The following MCPH1 variants were observed in gnomAD, a reference collection of about 807,000 sequenced individuals.
MCPH1 encodes microcephalin 1.
Under a neutral mutation model 84.5 loss-of-function variants are expected in MCPH1, and 104 were observed. The ratio of observed to expected loss-of-function variants is 1.23; its 90% CI spans 1.05 to 1.45. MCPH1 has a LOEUF of 1.45. Among genes scored for constraint, MCPH1 ranks in the 40% most tolerant of loss-of-function variants. The pLI, the probability that MCPH1 is intolerant of heterozygous loss-of-function variation, is 0.00. For missense variants in MCPH1, 1,498 were observed against 1,005.7 expected, an observed-to-expected ratio of 1.49 and a Z score of -6.62; for synonymous variants, 514 against 366.8, an observed-to-expected ratio of 1.40 and a Z score of -4.58.
chr8:6,571,395 A>T (rs1826649259), intron 12 of MCPH1, among the ~76,000 whole-genome samples: 1 of 152,188 alleles, frequency 6.6e-6, no homozygotes, highest in African/African-American at 2.4e-5. Context: ...TATAAGTCAC[A>T]TTAAATGTTC....
At chr8:6,544,213 A>G (rs868367972) in intron 12 of MCPH1, among the ~76,000 whole-genome samples, 1 of 152,254 alleles carries the variant, frequency 6.6e-6, no homozygotes, top group African/African-American at 2.4e-5. Flanking sequence ...TCAAATGTTG[A>G]TAGTGAAGCT....
At chr8:6,468,303 C>T (rs1488790466) in intron 9 of MCPH1, among the ~76,000 whole-genome samples, 1 of 152,128 alleles carries the variant, frequency 6.6e-6, no homozygotes, top group East Asian at 1.9e-4. Flanking sequence ...CCGGGTGTCA[C>T]CTGTGCATGC....
At chr8:6,494,270 T>C (rs1810993086) in intron 11 of MCPH1, 1 of 152,224 alleles carries the variant, frequency 6.6e-6, no homozygotes, top group African/African-American at 2.4e-5. Context: ...TGAATTCAGC[T>C]CTTCCTCAAT....
intron 12 of MCPH1, among the ~76,000 whole-genome samples, chr8:6,519,373 G>A (rs573086423): frequency 3.9e-5 from 6 of 152,186 alleles, no homozygotes; most frequent in South Asian, 2.1e-4. Context: ...GCAGGGCAGC[G>A]GTAGCTAACT....
intron 12 of MCPH1, chr8:6,618,753 A>C (rs1289027525): frequency 6.6e-6 from 1 of 152,228 alleles, no homozygotes; most frequent in Non-Finnish European, 1.5e-5. Context: ...ACAAAAACTT[A>C]ACAAAAAAGT....
chr8:6,470,517 T>C (rs1450755693), intron 9 of MCPH1, among the ~76,000 whole-genome samples: 1 of 152,176 alleles, frequency 6.6e-6, no homozygotes, highest in Non-Finnish European at 1.5e-5. Context: ...ACTCCTGACC[T>C]CAAGTGATTC....
intron 12 of MCPH1, among the ~76,000 whole-genome samples, chr8:6,595,831 G>T (rs1039859210): frequency 6.6e-6 from 1 of 152,188 alleles, no homozygotes; most frequent in Non-Finnish European, 1.5e-5. Flanking sequence ...AATAGAGTCA[G>T]ATACAATTGG....
chr8:6,471,685 C>T (rs1011917672), intron 9 of MCPH1, among the ~76,000 whole-genome samples: 3 of 151,504 alleles, frequency 2.0e-5, no homozygotes, highest in Admixed American at 1.3e-4. Flanking sequence ...ATGAATCCGT[C>T]TGCTTCTCAA....
chr8:6,492,157 A>G (rs2129561252), intron 11 of MCPH1, among the ~76,000 whole-genome samples: 1 of 152,274 alleles, frequency 6.6e-6, no homozygotes, highest in Middle Eastern at 3.4e-3. Flanking sequence ...TGACTTTTTA[A>G]TGATCGCCAT....
intron 13 of MCPH1, chr8:6,642,552 C>T (rs567508588): frequency 4.0e-6 from 1 of 252,784 alleles, no homozygotes; most frequent in Non-Finnish European, 7.9e-6. Context: ...GATAGGATAG[C>T]ACGGCCTACC....
At chr8:6,469,296 A>T (rs1406844044) in intron 9 of MCPH1, among the ~76,000 whole-genome samples, 1 of 152,228 alleles carries the variant, frequency 6.6e-6, no homozygotes, top group Non-Finnish European at 1.5e-5. Context: ...ATTATATTTA[A>T]TGCTATAGCT....
intron 12 of MCPH1, among the ~76,000 whole-genome samples, chr8:6,602,755 A>G (rs891374963): frequency 2.0e-5 from 3 of 151,894 alleles, no homozygotes; most frequent in Non-Finnish European, 2.9e-5. Flanking sequence ...CCAACTCTGC[A>G]TATTTTACTC....
intron 12 of MCPH1, among the ~76,000 whole-genome samples, chr8:6,591,176 C>T (rs778716528): frequency 6.6e-6 from 1 of 152,238 alleles, no homozygotes; most frequent in Non-Finnish European, 1.5e-5. Flanking sequence ...GGATTACAGG[C>T]GTGAGCCACC....
At chr8:6,482,654 C>G (rs1290344918) in intron 11 of MCPH1, among the ~76,000 whole-genome samples, 1 of 152,208 alleles carries the variant, frequency 6.6e-6, no homozygotes, top group African/African-American at 2.4e-5. Flanking sequence ...AACGTACTGC[C>G]TTTGCTGTCG....
chr8:6,431,448 A>G (rs1472184129), intron 3 of MCPH1, 51 bp from the exon 4 acceptor site: 45 of 1,352,846 alleles, frequency 3.3e-5, no homozygotes, highest in East Asian at 6.9e-5. Flanking sequence ...TGCTGTGTCA[A>G]TGTATAATAG....
chr8:6,535,416 TA>T (rs1462958787), intron 12 of MCPH1, among the ~76,000 whole-genome samples: 1 of 152,182 alleles, frequency 6.6e-6, no homozygotes, highest in South Asian at 2.1e-4. Flanking sequence ...TTTCTAAACA[TA>T]AAAACAATAG....
rs1390223152 is a variant in MCPH1 at position 6,428,452 on chromosome 8, CCGTCACCACAATTTAAAAACATTTT to C, written c.234-3039_234-3015del. Among the ~76,000 whole-genome samples the C allele has an allele frequency of 2.3e-4, 35 of 152,184 alleles. 1 individual carries two copies. The highest frequency in any genetic ancestry group is 1.0e-3 in the South Asian group (5 of 4,838). ...TAACTGGATTCACAGAGTTGTGCAACCGTCACCACAATTTAAAAACATTTTCGTCACCTCAAAATGAAACTTGCAC... is the reference window on the plus strand; with the variant it reads ...TAACTGGATTCACAGAGTTGTGCAACCGTCACCTCAAAATGAAACTTGCAC... On this transcript the variant is annotated intron_variant, in intron 3 of 13. Coordinates refer to ENST00000344683, the MANE Select transcript of MCPH1 (RefSeq NM_024596.5).
intron 12 of MCPH1, chr8:6,563,023 G>C: frequency 7.3e-7 from 1 of 1,373,318 alleles, no homozygotes; most frequent in Non-Finnish European, 9.8e-7. Context: ...AAAACGCAGG[G>C]CTGCTACGCT....
At chr8:6,413,803 G>A (rs1374580067) in intron 2 of MCPH1, among the ~76,000 whole-genome samples, 1 of 149,372 alleles carries the variant, frequency 6.7e-6, no homozygotes, top group Non-Finnish European at 1.5e-5. Context: ...TACCCAGGCT[G>A]GAGTGCAATG....
Sources: gnomAD v4.1 joint callset for allele counts (sites outside exome capture counted in the v4.1 genomes callset) on GRCh38, gnomAD v4.1.1 for gene constraint, MANE v1.5 for transcripts, NCBI Gene and HGNC (gene_info 2026-07-23, HGNC 2026-07-21) for gene names.